Variants in TMCO4 observed in about 807,000 individuals in gnomAD.
TMCO4 encodes the protein transmembrane and coiled-coil domains 4.
In TMCO4, 58 loss-of-function variants were observed where a neutral mutation model predicts 64.7. The ratio of observed to expected loss-of-function variants is 0.90; its 90% CI spans 0.73 to 1.12. The LOEUF (loss-of-function observed/expected upper bound fraction) is 1.12, where lower values mean the gene tolerates loss of function less well. Ranked by LOEUF, TMCO4 falls within the 50% of genes most tolerant of loss-of-function variation. The pLI is 0.00. For synonymous variants in TMCO4, 325 were observed against 346.1 expected, an observed-to-expected ratio of 0.94 and a Z score of 0.68; for missense variants, 780 against 825.9, an observed-to-expected ratio of 0.94 and a Z score of 0.68.
rs1191619606 is a variant in TMCO4 at position 19,719,907 on chromosome 1, C to T, written c.1264+17465G>A. Among the ~76,000 whole-genome samples the T allele has an allele frequency of 5.9e-5, 9 of 151,924 alleles. No homozygotes were observed. The South Asian group carries it at 1.9e-3, about 32-fold the overall frequency. On this transcript the variant is annotated intron_variant, in intron 13 of 15. Coordinates refer to ENST00000294543, the MANE Select transcript of TMCO4 (RefSeq NM_181719.7). ...ACTTGGGAGGCTGAGGCAGTAGAAT[C>T]GTTTGAACCCAGGAGGTGGAGATGC...
intron 7 of TMCO4, 121 bp downstream of exon 7, chr1:19,755,513 G>A: frequency 7.0e-7 from 1 of 1,427,366 alleles, no homozygotes; most frequent in Non-Finnish European, 9.5e-7. Flanking sequence ...CTGGGACTCT[G>A]TCCAGGGCTC....
chr1:19,739,124 C>A (rs565181423), intron 12 of TMCO4, among the ~76,000 whole-genome samples: 1 of 152,316 alleles, frequency 6.6e-6, no homozygotes, highest in South Asian at 2.1e-4. Flanking sequence ...TTTGGGTTTT[C>A]TCCCACTTCC....
At chr1:19,704,856 T>A (rs1343070897) in intron 13 of TMCO4, among the ~76,000 whole-genome samples, 1 of 152,160 alleles carries the variant, frequency 6.6e-6, no homozygotes, top group Non-Finnish European at 1.5e-5. Context: ...AAAATAGTCC[T>A]GAGCACAGCC....
chr1:19,793,240 A>C (rs1411007112), intron 2 of TMCO4, among the ~76,000 whole-genome samples: 1 of 152,040 alleles, frequency 6.6e-6, no homozygotes, highest in Non-Finnish European at 1.5e-5. Context: ...ATGATTCTGC[A>C]GTGCAATAAA....
intron 13 of TMCO4, among the ~76,000 whole-genome samples, chr1:19,716,398 G>GT (rs2095356803): frequency 1.6e-5 from 1 of 61,522 alleles, no homozygotes. Context: ...TTTTTTTTTT[G>GT]TTTTTGCATT....
chr1:19,742,050 T>C (rs75067812), intron 10 of TMCO4, among the ~76,000 whole-genome samples: 3,115 of 152,164 alleles, frequency 0.02, 62 homozygotes, highest in East Asian at 0.057. Flanking sequence ...AGTGACTTTT[T>C]CAAAACACAA....
At chr1:19,696,776 C>T (rs2095240039) in intron 14 of TMCO4, among the ~76,000 whole-genome samples, 1 of 152,084 alleles carries the variant, frequency 6.6e-6, no homozygotes. Flanking sequence ...GTAATTATGA[C>T]AACATTTTAG....
At chr1:19,707,931 A>T (rs1184966690) in intron 13 of TMCO4, among the ~76,000 whole-genome samples, 1 of 152,122 alleles carries the variant, frequency 6.6e-6, no homozygotes, top group African/African-American at 2.4e-5. Flanking sequence ...AAGCAACCAG[A>T]TCTCGTGAGA....
intron 13 of TMCO4, among the ~76,000 whole-genome samples, chr1:19,715,689 C>T (rs780674371): frequency 3.9e-5 from 6 of 152,326 alleles, no homozygotes; most frequent in Middle Eastern, 3.4e-3. Flanking sequence ...TCTGGACACG[C>T]CCCCTGGGCT....
intron 14 of TMCO4, among the ~76,000 whole-genome samples, chr1:19,698,900 C>T (rs149553634): frequency 6.6e-6 from 1 of 152,192 alleles, no homozygotes; most frequent in African/African-American, 2.4e-5. Context: ...CAAAAAGTAC[C>T]AAAAAATCAT....
chr1:19,789,102 A>C (rs531863549), intron 2 of TMCO4, among the ~76,000 whole-genome samples: 93 of 150,838 alleles, frequency 6.2e-4, no homozygotes, highest in Non-Finnish European at 8.7e-4. Flanking sequence ...AAATTAAAAA[A>C]AACAACAACC....
chr1:19,701,015 T>C, intron 13 of TMCO4, 130 bp from the exon 14 acceptor site: 2 of 699,348 alleles, frequency 2.9e-6, no homozygotes, highest in Non-Finnish European at 4.9e-6. Context: ...TGGACAATCA[T>C]GTGCAAATGT....
At chr1:19,706,774 T>A (rs570104973) in intron 13 of TMCO4, among the ~76,000 whole-genome samples, 2 of 152,126 alleles carry the variant, frequency 1.3e-5, no homozygotes, top group Non-Finnish European at 2.9e-5. Flanking sequence ...TGAAAAAAAA[T>A]GTTTCTTTCC....
At chr1:19,791,637 T>C (rs2044043600) in intron 2 of TMCO4, among the ~76,000 whole-genome samples, 1 of 152,250 alleles carries the variant, frequency 6.6e-6, no homozygotes, top group Non-Finnish European at 1.5e-5. Flanking sequence ...GAAGTTACAC[T>C]GATTCCAAGA....
At chr1:19,727,847 A>G (rs926940545) in intron 13 of TMCO4, among the ~76,000 whole-genome samples, 1 of 152,252 alleles carries the variant, frequency 6.6e-6, no homozygotes, top group Non-Finnish European at 1.5e-5. Context: ...AATGTGGTAC[A>G]TATATACCAT....
chr1:19,707,952 A>G (rs1015160738), intron 13 of TMCO4, among the ~76,000 whole-genome samples: 1 of 152,196 alleles, frequency 6.6e-6, no homozygotes, highest in African/African-American at 2.4e-5. Flanking sequence ...ACTCACTATC[A>G]TGAGAACAGC....
chr1:19,723,801 G>A (rs76391409), intron 13 of TMCO4, among the ~76,000 whole-genome samples: 3,564 of 152,304 alleles, frequency 0.023, 67 homozygotes, highest in Middle Eastern at 0.061. Context: ...ATGGGGGCTG[G>A]TGGCCAATCT....
chr1:19,684,063 CTTTTTTTTT>C (rs3048209), intron 15 of TMCO4, among the ~76,000 whole-genome samples: 5 of 70,316 alleles, frequency 7.1e-5, no homozygotes, highest in African/African-American at 2.1e-4. Context: ...TGCCCGGCAG[CTTTTTTTTT>C]TTTTTTTTTT....
chr1:19,758,885 G>C (rs1385672460), intron 6 of TMCO4, among the ~76,000 whole-genome samples: 2 of 152,108 alleles, frequency 1.3e-5, no homozygotes, highest in Non-Finnish European at 2.9e-5. Flanking sequence ...CCAATCACTT[G>C]AGGTCAGGAG....
Sources: gnomAD v4.1 joint callset for allele counts (sites outside exome capture counted in the v4.1 genomes callset) on GRCh38, gnomAD v4.1.1 for gene constraint, MANE v1.5 for transcripts, NCBI Gene and HGNC (gene_info 2026-07-23, HGNC 2026-07-21) for gene names.